The following AGL variants were observed in gnomAD, a reference collection of about 807,000 sequenced individuals.
AGL encodes the protein amylo-alpha-1,6-glucosidase and 4-alpha-glucanotransferase.
In AGL, 128 loss-of-function variants were observed where a neutral mutation model predicts 199.3. That is an observed-to-expected ratio of 0.64 (90% CI 0.56 to 0.74). The LOEUF (loss-of-function observed/expected upper bound fraction) is 0.74. Ranked by LOEUF, AGL falls within the 30% of genes least tolerant of loss-of-function variation. The pLI is 0.00. For missense variants in AGL, 1,809 were observed against 1,820.8 expected, an observed-to-expected ratio of 0.99 and a Z score of 0.12; for synonymous variants, 584 against 594.7, an observed-to-expected ratio of 0.98 and a Z score of 0.26.
intron 7 of AGL, among the ~76,000 whole-genome samples, chr1:99,872,818 C>T (rs111676106): frequency 6.6e-5 from 10 of 152,310 alleles, no homozygotes; most frequent in African/African-American, 2.2e-4. Context: ...TGAGCCACCG[C>T]GCCCAGCCTT....
At chr1:99,887,774 G>A (rs1333094605) in intron 20 of AGL, among the ~76,000 whole-genome samples, 2 of 152,084 alleles carry the variant, frequency 1.3e-5, no homozygotes, top group Non-Finnish European at 2.9e-5. Flanking sequence ...TGGGAGTAAT[G>A]TCGCTTCTAA....
chr1:99,871,812 T>C (rs1370481230), intron 7 of AGL, among the ~76,000 whole-genome samples: 1 of 152,158 alleles, frequency 6.6e-6, no homozygotes, highest in Non-Finnish European at 1.5e-5. Flanking sequence ...GTGCTCATTG[T>C]AAAGAGAAAA....
rs562639869 is a variant in AGL at position 99,857,406 on chromosome 1, G to A, written c.83-4097G>A. Reference sequence around the variant, plus strand: ...AGAGACGCTTCTCACTTCCCAGACGGGGTGGCGGCCGGGCAGAGGCTGCAG... The same window carrying A: ...AGAGACGCTTCTCACTTCCCAGACGAGGTGGCGGCCGGGCAGAGGCTGCAG... On this transcript the variant is annotated intron_variant, in intron 2 of 33. Coordinates refer to ENST00000361915, the MANE Select transcript of AGL (RefSeq NM_000642.3). Among the ~76,000 whole-genome samples, 603 of 152,164 alleles carry A rather than the reference G, an allele frequency of 4.0e-3. 1 individual carries two copies. Among genetic ancestry groups the A allele is most frequent in the Non-Finnish European group, 6.2e-3 (423 of 67,980 alleles).
In AGL at chr1:99,892,547, C is replaced by G. The variant is rs3753494; in HGVS notation, c.3199C>G (p.Pro1067Ala). Residue 1067 changes from proline (P) to alanine (A), a missense_variant, in exon 24 of 34, where the codon CCT becomes GCT. Coordinates refer to ENST00000361915, the MANE Select transcript of AGL (RefSeq NM_000642.3). The part of the protein sequence containing the change: ...PILSPALMDV[P>A]YRLNEITKEK... Reference sequence around the variant, plus strand: ...TCTTTCACCTGCCCTAATGGATGTACCTTATAGGTTAAATGAGATCACAAA... The same window carrying G: ...TCTTTCACCTGCCCTAATGGATGTAGCTTATAGGTTAAATGAGATCACAAA... 4.3e-6 allele frequency: 7 copies of G among 1,613,370 alleles called. No individual in the cohort carries two copies. Among genetic ancestry groups the G allele is most frequent in the Non-Finnish European group, 5.9e-6 (7 of 1,179,610 alleles).
chr1:99,855,212 A>G (rs1649320178), intron 2 of AGL, among the ~76,000 whole-genome samples: 1 of 152,132 alleles, frequency 6.6e-6, no homozygotes, highest in Admixed American at 6.5e-5. Flanking sequence ...AAAAAAAAGA[A>G]AAAAGAAAAA....
intron 27 of AGL, among the ~76,000 whole-genome samples, chr1:99,903,643 A>G (rs544972378): frequency 4.7e-4 from 72 of 152,298 alleles, no homozygotes; most frequent in African/African-American, 1.6e-3. Context: ...TCCTTTGGGT[A>G]TATACCCAGT....
intron 24 of AGL, among the ~76,000 whole-genome samples, chr1:99,895,565 T>A (rs1653236409): frequency 6.6e-6 from 1 of 152,212 alleles, no homozygotes; most frequent in African/African-American, 2.4e-5. Flanking sequence ...ATTTCATGTT[T>A]AGGTTTATTT....
chr1:99,858,626 G>T (rs1371061725), intron 2 of AGL, among the ~76,000 whole-genome samples: 1 of 152,092 alleles, frequency 6.6e-6, no homozygotes, highest in Non-Finnish European at 1.5e-5. Context: ...TTTTAGAAAT[G>T]CTTCTTTCAT....
Position 99,902,673 on chromosome 1 carries a change from T to C in AGL, c.3589-10T>C. On this transcript the variant is annotated splice_polypyrimidine_tract_variant and intron_variant, in intron 26 of 33. Transcript: ENST00000361915. ...TCTAACAGAGGTAACACCCATTATGTCTCAAACAGGATCAGCCATTGTTTG... is the reference window on the plus strand; with the variant it reads ...TCTAACAGAGGTAACACCCATTATGCCTCAAACAGGATCAGCCATTGTTTG... 1 of 1,597,580 alleles carries C rather than the reference T, an allele frequency of 6.3e-7. No homozygotes were observed. Among genetic ancestry groups the C allele is most frequent in the Non-Finnish European group, 8.6e-7 (1 of 1,165,346 alleles).
intron 5 of AGL, 119 bp downstream of exon 5, chr1:99,864,708 T>TA: frequency 2.3e-6 from 2 of 879,396 alleles, no homozygotes; most frequent in Non-Finnish European, 3.5e-6. Flanking sequence ...ACATAAATTT[T>TA]AAAAACACAA....
rs757479682 is a variant in AGL at position 99,880,785 on chromosome 1, G to A, written c.1889G>A (p.Cys630Tyr). Residue 630 changes from cysteine (C) to tyrosine (Y), a missense_variant, in exon 14 of 34, where the codon TGT (cysteine) becomes TAT (tyrosine). By Grantham distance (194) the Cys-to-Tyr change is radical. Transcript: ENST00000361915. ...ATGGATATTACGCATGATAATGAGT[G>A]TCCTATTGTGGTAAGCACCTAATCT... ...LFMDITHDNE[C>Y]PIVHRSAYDA... 1 of 1,613,888 alleles carries A rather than the reference G, an allele frequency of 6.2e-7. No individual in the cohort carries two copies. The highest frequency in any genetic ancestry group is 1.7e-5 in the Admixed American group (1 of 59,998).
intron 33 of AGL, among the ~76,000 whole-genome samples, chr1:99,917,651 ATATT>A (rs1210965268): frequency 1.3e-5 from 2 of 152,180 alleles, no homozygotes; most frequent in African/African-American, 4.8e-5. Flanking sequence ...TTTGCATTGA[ATATT>A]TATTATTTCA....
Position 99,923,888 on chromosome 1 carries a change from C to T in AGL, c.*2237C>T, listed in dbSNP as rs1436550749. 3 of 152,086 alleles carry T rather than the reference C, an allele frequency of 2.0e-5. No homozygotes were observed. Among genetic ancestry groups the T allele is most frequent in the Admixed American group, 2.0e-4 (3 of 15,254 alleles). The allele number at this position is 152,086 out of a possible 1,614,324, so 9.4% of individuals were successfully genotyped here. A position where few individuals can be genotyped will look rare whatever the true frequency, so the allele number is the denominator to read the frequency against. On this transcript the variant is annotated 3_prime_UTR_variant, in exon 34 of 34. Coordinates refer to ENST00000361915, the MANE Select transcript of AGL (RefSeq NM_000642.3). ...CAAAGATAATTGGGAAAACATGAGA[C>T]TGGTCATATTGATGAATATTGTAAC...
At chr1:99,881,501 C>T in intron 16 of AGL, 40 bp from the exon 17 acceptor site, 1 of 1,613,842 alleles carries the variant, frequency 6.2e-7, no homozygotes, top group Non-Finnish European at 8.5e-7. Flanking sequence ...TAAGTCTTTC[C>T]AGTTTGAGAG....
chr1:99,850,212 C>T (rs1648837125), upstream of AGL: 1 of 152,468 alleles, frequency 6.6e-6, no homozygotes, highest in Non-Finnish European at 1.5e-5. Flanking sequence ...GCTTCTCACC[C>T]AGCTGCCTCG....
At chr1:99,874,238 C>A (rs1389849014) in intron 7 of AGL, among the ~76,000 whole-genome samples, 1 of 125,580 alleles carries the variant, frequency 8.0e-6, no homozygotes, top group African/African-American at 3.3e-5. Context: ...ACGGGTTCCA[C>A]TAAAGTCCTT....
chr1:99,883,048 C>T (rs182041051), intron 17 of AGL, among the ~76,000 whole-genome samples: 3 of 152,074 alleles, frequency 2.0e-5, no homozygotes, highest in East Asian at 3.9e-4. Flanking sequence ...AAAACATTTC[C>T]ACTTCAGTCC....
In AGL at chr1:99,921,740, GT is replaced by G; in HGVS notation, c.*93del. ...TGCCTTATATGCACAGGCTCAAGTTGTTTTAAAAATCTCATTTATTATAATA... is the reference window on the plus strand; with the variant it reads ...TGCCTTATATGCACAGGCTCAAGTTGTTTAAAAATCTCATTTATTATAATA... On this transcript the variant is annotated 3_prime_UTR_variant, in exon 34 of 34. Transcript: ENST00000361915. 1 of 852,320 alleles carries G rather than the reference GT, an allele frequency of 1.2e-6. No individual in the cohort carries two copies. The highest frequency in any genetic ancestry group is 1.8e-6 in the Non-Finnish European group (1 of 540,546). 52.8% of individuals were successfully genotyped at this position (852,320 alleles called of 1,614,324 possible).
chr1:99,881,323 C>T lies in AGL; in HGVS notation c.2033C>T (p.Thr678Ile), dbSNP rs1198908336. The change falls in exon 16 of 34, where the codon ACT becomes ATT. Residue 678 changes from threonine to isoleucine, a missense_variant. By Grantham distance (89) the Thr-to-Ile change is moderately conservative. Transcript: ENST00000361915. ...GTGGTTTCTGAAGAACGGTTTTACA[C>T]TAAGTGGAATCCTGAAGCATTGCCT... ...ISVVSEERFY[T>I]KWNPEALPSN... 6.2e-7 allele frequency: 1 copy of T among 1,613,946 alleles called. No individual in the cohort carries two copies. The highest frequency in any genetic ancestry group is 8.5e-7 in the Non-Finnish European group (1 of 1,180,010).
Sources: allele counts gnomAD v4.1 joint callset (sites outside exome capture counted in the v4.1 genomes callset), GRCh38; gene constraint gnomAD v4.1.1; transcripts MANE v1.5; gene names NCBI Gene and HGNC (gene_info 2026-07-23, HGNC 2026-07-21).